Variants in ZNF521 observed in about 807,000 individuals in gnomAD.
ZNF521 encodes the protein LYST-interacting protein 3.
Under a neutral mutation model 105.5 loss-of-function variants are expected in ZNF521, and 14 were observed. The observed-to-expected ratio is 0.13, with a 90% CI of 0.09 to 0.21. The LOEUF is 0.21. Among genes scored for constraint, ZNF521 ranks in the 10% least tolerant of loss-of-function variants. The pLI is 1.00. For synonymous variants in ZNF521, 635 were observed against 606.0 expected, an observed-to-expected ratio of 1.05 and a Z score of -0.70; for missense variants, 1,233 against 1,629.7, an observed-to-expected ratio of 0.76 and a Z score of 4.19.
intron 7 of ZNF521, among the ~76,000 whole-genome samples, chr18:25,069,255 T>TTTAAA (rs2033154277): frequency 6.6e-6 from 1 of 152,196 alleles, no homozygotes; most frequent in Admixed American, 6.5e-5. Flanking sequence ...TTTAAAAGTG[T>TTTAAA]ATACAGCTAA....
At chr18:25,338,555 G>A (rs927662029) in intron 2 of ZNF521, among the ~76,000 whole-genome samples, 1 of 151,988 alleles carries the variant, frequency 6.6e-6, no homozygotes, top group African/African-American at 2.4e-5. Flanking sequence ...TGGGGCCACA[G>A]GCATGTGCCA....
intron 5 of ZNF521, among the ~76,000 whole-genome samples, chr18:25,144,928 T>C (rs941265527): frequency 2.4e-4 from 36 of 152,156 alleles, no homozygotes; most frequent in Admixed American, 7.2e-4. Context: ...AAAACTCAGT[T>C]ATCCCACAGA....
intron 3 of ZNF521, among the ~76,000 whole-genome samples, chr18:25,289,279 T>C (rs957643430): frequency 6.6e-6 from 1 of 152,234 alleles, no homozygotes; most frequent in Non-Finnish European, 1.5e-5. Context: ...AGTCTTTATG[T>C]CCTAAAAAGT....
intron 5 of ZNF521, among the ~76,000 whole-genome samples, chr18:25,109,742 G>A (rs1180275744): frequency 1.3e-5 from 2 of 152,116 alleles, no homozygotes; most frequent in South Asian, 2.1e-4. Flanking sequence ...CCACTTGTAT[G>A]TCTTCTTTTG....
At chr18:25,273,792 G>A (rs1420643802) in intron 3 of ZNF521, among the ~76,000 whole-genome samples, 1 of 152,148 alleles carries the variant, frequency 6.6e-6, no homozygotes, top group East Asian at 1.9e-4. Context: ...CTACCACAAT[G>A]TTGCATCTTG....
At chr18:25,073,776 GTAT>G (rs1363707762) in intron 7 of ZNF521, among the ~76,000 whole-genome samples, 1 of 151,970 alleles carries the variant, frequency 6.6e-6, no homozygotes, top group African/African-American at 2.4e-5. Context: ...TCCTTGTAGT[GTAT>G]TATTTCTTTT....
At chr18:25,203,777 GTT>G (rs1156435938) in intron 4 of ZNF521, among the ~76,000 whole-genome samples, 1 of 152,158 alleles carries the variant, frequency 6.6e-6, no homozygotes, top group Non-Finnish European at 1.5e-5. Flanking sequence ...AAATGACTGA[GTT>G]GCAATTTTTA....
intron 7 of ZNF521, among the ~76,000 whole-genome samples, chr18:25,075,755 C>T (rs2065112153): frequency 6.6e-6 from 1 of 152,198 alleles, no homozygotes; most frequent in Admixed American, 6.5e-5. Flanking sequence ...TAAGTGGAAA[C>T]AGTCTACTGA....
rs1022998779 is a variant in ZNF521 at position 25,225,536 on chromosome 18, G to A, written c.2382C>T (p.Thr794=). 7.4e-6 allele frequency: 12 copies of A among 1,614,020 alleles called. No homozygotes were observed. The Admixed American group carries it at 8.3e-5, about 11-fold the overall frequency. Residue 794 remains threonine, a synonymous_variant, in exon 4 of 8, where the codon ACC becomes ACT. Coordinates refer to ENST00000361524, the MANE Select transcript of ZNF521 (RefSeq NM_015461.3). The surrounding 1 kb of genome is among the most constrained non-coding windows in gnomAD (Gnocchi z 5.6). ...KCIFCGESFG[T]EVELQCHITT... ...TGATGTGGCATTGCAGCTCCACCTC[G>A]GTGCCAAAGGACTCACCGCAGAAAA...
intron 3 of ZNF521, among the ~76,000 whole-genome samples, chr18:25,235,921 G>A (rs1053863044): frequency 2.1e-5 from 3 of 143,434 alleles, no homozygotes; most frequent in Non-Finnish European, 4.5e-5. Context: ...GATTAGGGGG[G>A]AACTATTACT....
At chr18:25,125,632 T>G (rs2034524375) in intron 5 of ZNF521, among the ~76,000 whole-genome samples, 1 of 151,780 alleles carries the variant, frequency 6.6e-6, no homozygotes, top group African/African-American at 2.4e-5. Flanking sequence ...GCACTAATGG[T>G]GTGTGTGTGT....
At chr18:25,330,499 C>T (rs1913508028) in intron 2 of ZNF521, among the ~76,000 whole-genome samples, 2 of 152,122 alleles carry the variant, frequency 1.3e-5, no homozygotes, top group Non-Finnish European at 2.9e-5. Context: ...CAGAGGTTTC[C>T]AGGGGCCCCA....
intron 5 of ZNF521, among the ~76,000 whole-genome samples, chr18:25,145,422 A>C (rs2034924604): frequency 6.6e-6 from 1 of 152,138 alleles, no homozygotes; most frequent in South Asian, 2.1e-4. Context: ...GTTTTTGTTT[A>C]CTCTCAACAG....
At chr18:25,114,366 G>A (rs1038453126) in intron 5 of ZNF521, among the ~76,000 whole-genome samples, 2 of 152,216 alleles carry the variant, frequency 1.3e-5, no homozygotes, top group South Asian at 4.1e-4. Flanking sequence ...TGGTCAAAAT[G>A]CAATTCTTTA....
intron 3 of ZNF521, among the ~76,000 whole-genome samples, chr18:25,288,521 C>T (rs1600261497): frequency 6.6e-6 from 1 of 150,394 alleles, no homozygotes; most frequent in South Asian, 2.1e-4. Context: ...TTTTCTCTCC[C>T]TCTCCTTTTC....
At chr18:25,292,979 G>C (rs1422742263) in intron 3 of ZNF521, among the ~76,000 whole-genome samples, 2 of 152,152 alleles carry the variant, frequency 1.3e-5, no homozygotes, top group African/African-American at 2.4e-5. Flanking sequence ...CCAAAGCACA[G>C]TTTGAATCCA....
At chr18:25,204,652 T>A (rs568591358) in intron 4 of ZNF521, among the ~76,000 whole-genome samples, 29 of 152,278 alleles carry the variant, frequency 1.9e-4, no homozygotes, top group African/African-American at 6.7e-4. Flanking sequence ...AAAATTTGTC[T>A]TTCTACACAC....
At chr18:25,240,745 C>CT (rs1907261655) in intron 3 of ZNF521, among the ~76,000 whole-genome samples, 1 of 151,924 alleles carries the variant, frequency 6.6e-6, no homozygotes, top group Admixed American at 6.6e-5. Context: ...ATCAGACTCT[C>CT]TGAGAGTTAA....
chr18:25,110,458 A>G (rs2034164034), intron 5 of ZNF521, among the ~76,000 whole-genome samples: 1 of 152,128 alleles, frequency 6.6e-6, no homozygotes. Flanking sequence ...AGAAAGAAAA[A>G]GAGGGAGAGA....
Sources: gnomAD v4.1 joint callset for allele counts (sites outside exome capture counted in the v4.1 genomes callset) on GRCh38, gnomAD v4.1.1 for gene constraint, Gnocchi (gnomAD v3.1) non-coding constraint, MANE v1.5 for transcripts, NCBI Gene and HGNC (gene_info 2026-07-23, HGNC 2026-07-21) for gene names.